The following LTBP1 variants were observed in gnomAD, a reference collection of about 807,000 sequenced individuals.
LTBP1 encodes the protein latent-transforming growth factor beta-binding protein 1.
In LTBP1, 129 loss-of-function variants were observed where a neutral mutation model predicts 207.6. The observed-to-expected ratio is 0.62, with a 90% confidence interval of 0.54 to 0.72. The LOEUF (loss-of-function observed/expected upper bound fraction) is 0.72. Ranked by LOEUF, LTBP1 falls within the 30% of genes least tolerant of loss-of-function variation. LTBP1 has a pLI of 0.00. For synonymous variants in LTBP1, 963 were observed against 833.7 expected (o/e 1.16, Z -2.67); for missense variants, 2,281 against 2,217.2 (o/e 1.03, Z -0.58).
intron 31 of LTBP1, among the ~76,000 whole-genome samples, chr2:33,385,844 G>A (rs11885449): frequency 0.4 from 60,921 of 152,064 alleles, 14,232 homozygotes; most frequent in African/African-American, 0.65. Flanking sequence ...TTCAGATACA[G>A]AAGAGAAGAC....
At chr2:33,105,586 C>T (rs750274560) in intron 3 of LTBP1, among the ~76,000 whole-genome samples, 6 of 152,030 alleles carry the variant, frequency 3.9e-5, no homozygotes, top group Non-Finnish European at 5.9e-5. Context: ...ACAGATGGCA[C>T]CACACCTGGC....
In LTBP1 at chr2:32,984,648, G is replaced by A. The variant is rs144268407; in HGVS notation, c.565+35703G>A. ...AGTGAAAAACAATTCTGGGCCAGGC[G>A]CGGTGGCTCACGCCTGTAATCCCAG... On this transcript the variant is annotated intron_variant, in intron 2 of 33. Coordinates refer to ENST00000404816, the MANE Select transcript of LTBP1 (RefSeq NM_206943.4). Among the ~76,000 whole-genome samples the A allele has an allele frequency of 4.2e-3, 633 of 152,302 alleles. 5 individuals are homozygous for A. Among genetic ancestry groups the A allele is most frequent in the African/African-American group, 0.015 (606 of 41,564 alleles).
At chr2:33,324,314 A>G (rs187386874) in intron 24 of LTBP1, among the ~76,000 whole-genome samples, 2 of 152,126 alleles carry the variant, frequency 1.3e-5, no homozygotes, top group Non-Finnish European at 2.9e-5. Flanking sequence ...TTATAATATA[A>G]TCACAGTATA....
At chr2:33,026,571 T>TA (rs2149274146) in intron 3 of LTBP1, among the ~76,000 whole-genome samples, 1 of 152,302 alleles carries the variant, frequency 6.6e-6, no homozygotes, top group South Asian at 2.1e-4. Context: ...TTCCTTATGG[T>TA]ATGTGGTCTG....
At chr2:33,332,482 G>A (rs2094507323) in intron 24 of LTBP1, among the ~76,000 whole-genome samples, 2 of 150,448 alleles carry the variant, frequency 1.3e-5, no homozygotes, top group Admixed American at 6.6e-5. Context: ...TTATCAACCA[G>A]TGTTAATTAA....
At chr2:33,140,729 G>A (rs943943047) in intron 5 of LTBP1, among the ~76,000 whole-genome samples, 4 of 148,300 alleles carry the variant, frequency 2.7e-5, no homozygotes, top group East Asian at 2.0e-4. Flanking sequence ...GTGCAGTGCC[G>A]CCATCTCAGC....
chr2:32,947,376 G>C lies in LTBP1; in HGVS notation c.52G>C (p.Ala18Pro), dbSNP rs912123891. 1 of 1,365,066 alleles carries C rather than the reference G, an allele frequency of 7.3e-7. No individual in the cohort carries two copies. The highest frequency in any genetic ancestry group is 9.4e-7 in the Non-Finnish European group (1 of 1,060,352). 84.6% of individuals were successfully genotyped at this position (1,365,066 alleles called of 1,614,324 possible). Residue 18 changes from alanine (A) to proline (P), a missense_variant, in exon 1 of 34, where the codon GCG (alanine) becomes CCG (proline). Ala to Pro is a conservative substitution (Grantham distance 27). Around this residue, in one of 3 missense-constraint regions of LTBP1, gnomAD observed 555 missense variants for 491.0 expected, o/e 1.13. Transcript: ENST00000404816. ...WGLLLWAGLL[A>P]SSAHGRLRRI... ...GCTCCTGCTCTGGGCAGGGCTCCTC[G>C]CGTCCTCGGCGCACGGCCGGCTGCG... is the stretch of plus-strand genomic sequence containing the variant.
At chr2:33,192,876 G>T (rs1446572386) in intron 7 of LTBP1, among the ~76,000 whole-genome samples, 1 of 152,168 alleles carries the variant, frequency 6.6e-6, no homozygotes, top group East Asian at 1.9e-4. Flanking sequence ...GCAAGGGGGA[G>T]CTGAACTTGC....
intron 5 of LTBP1, among the ~76,000 whole-genome samples, chr2:33,138,820 A>T (rs1558688903): frequency 6.6e-6 from 1 of 151,362 alleles, no homozygotes; most frequent in Non-Finnish European, 1.5e-5. Flanking sequence ...ATTATAAAAA[A>T]CATTGGACCA....
At chr2:33,331,850 A>AT (rs1399478804) in intron 24 of LTBP1, among the ~76,000 whole-genome samples, 1 of 151,958 alleles carries the variant, frequency 6.6e-6, no homozygotes, top group Non-Finnish European at 1.5e-5. Flanking sequence ...TTTTATGTGT[A>AT]TTTTTTTGTT....
chr2:33,003,859 A>G (rs1686395035), intron 2 of LTBP1, among the ~76,000 whole-genome samples: 1 of 152,244 alleles, frequency 6.6e-6, no homozygotes, highest in Non-Finnish European at 1.5e-5. Flanking sequence ...AACCTTGCAC[A>G]AAGCCTGTGG....
chr2:33,148,098 C>T (rs1459085950), intron 5 of LTBP1, among the ~76,000 whole-genome samples: 2 of 152,172 alleles, frequency 1.3e-5, no homozygotes, highest in African/African-American at 4.8e-5. Flanking sequence ...GTCTTATCTG[C>T]AAGGATGATA....
At chr2:33,167,797 C>G (rs2148327284) in intron 5 of LTBP1, among the ~76,000 whole-genome samples, 1 of 152,268 alleles carries the variant, frequency 6.6e-6, no homozygotes, top group Middle Eastern at 3.4e-3. Context: ...ATGACAGCAG[C>G]AGAGAGAGAT....
At chr2:33,302,636 G>A (rs1203104948) in intron 22 of LTBP1, among the ~76,000 whole-genome samples, 2 of 152,084 alleles carry the variant, frequency 1.3e-5, no homozygotes, top group African/African-American at 4.8e-5. Flanking sequence ...CCTCGGGAAG[G>A]CAATTTTGGC....
At chr2:33,323,970 G>A (rs1051672795) in intron 24 of LTBP1, among the ~76,000 whole-genome samples, 7 of 152,158 alleles carry the variant, frequency 4.6e-5, no homozygotes, top group Non-Finnish European at 1.0e-4. Flanking sequence ...TGAACTTGGT[G>A]AGTGCTTCAG....
At chr2:33,343,959 A>G (rs953749761) in intron 25 of LTBP1, among the ~76,000 whole-genome samples, 11 of 152,242 alleles carry the variant, frequency 7.2e-5, no homozygotes, top group African/African-American at 2.4e-4. Context: ...TTATTCTTAG[A>G]GAAAAATAGC....
rs1006564425 is a variant in LTBP1 at position 33,275,055 on chromosome 2, G to A, written c.2834G>A (p.Gly945Glu). ...EGSFLCICPA[G>E]FMASEEGTNC... ...AGTTTCTTGTGCATTTGCCCAGCAGGATTTATGGCCAGTGAGGAGGGTACT... is the reference window on the plus strand; with the variant it reads ...AGTTTCTTGTGCATTTGCCCAGCAGAATTTATGGCCAGTGAGGAGGGTACT... The change falls in exon 17 of 34, where the codon GGA (glycine) becomes GAA (glutamate). Residue 945 changes from glycine to glutamate, a missense_variant. Physicochemically the swap from Gly to Glu is moderately conservative, Grantham distance 98. Coordinates refer to ENST00000404816, the MANE Select transcript of LTBP1 (RefSeq NM_206943.4). 4.3e-6 allele frequency: 7 copies of A among 1,613,964 alleles called. No individual in the cohort carries two copies. The highest frequency in any genetic ancestry group is 5.1e-6 in the Non-Finnish European group (6 of 1,179,964).
intron 24 of LTBP1, among the ~76,000 whole-genome samples, chr2:33,323,428 G>T (rs138726056): frequency 5.8e-4 from 89 of 152,266 alleles, no homozygotes; most frequent in African/African-American, 2.0e-3. Context: ...CCTGAAGTCA[G>T]GAGTTCGAGA....
At chr2:33,199,221 C>T (rs2088924418) in intron 7 of LTBP1, among the ~76,000 whole-genome samples, 2 of 152,130 alleles carry the variant, frequency 1.3e-5, no homozygotes, top group African/African-American at 4.8e-5. Flanking sequence ...GAGTGAGTTT[C>T]TTAATCCTGA....
Sources: allele counts gnomAD v4.1 joint callset (sites outside exome capture counted in the v4.1 genomes callset), GRCh38; gene constraint gnomAD v4.1.1; regional missense constraint gnomAD v4.1.1; transcripts MANE v1.5; gene names NCBI Gene and HGNC (gene_info 2026-07-23, HGNC 2026-07-21).